Variants in SLC35F4 observed in about 807,000 individuals in gnomAD.
SLC35F4 encodes chromosome 14 open reading frame 36.
Under a neutral mutation model 44.2 loss-of-function variants are expected in SLC35F4, and 24 were observed. The observed-to-expected ratio is 0.54, with a 90% CI of 0.39 to 0.76. SLC35F4 has a LOEUF of 0.76. Ranked by LOEUF, SLC35F4 falls within the 30% of genes least tolerant of loss-of-function variation. SLC35F4 has a pLI of 0.00. For synonymous variants in SLC35F4, 238 were observed against 223.6 expected, an observed-to-expected ratio of 1.06 and a Z score of -0.57; for missense variants, 562 against 586.1, an observed-to-expected ratio of 0.96 and a Z score of 0.42.
chr14:57,833,456 G>T (rs1478887536), intron 1 of SLC35F4, among the ~76,000 whole-genome samples: 1 of 152,190 alleles, frequency 6.6e-6, no homozygotes, highest in African/African-American at 2.4e-5. Context: ...AGGTGATTCT[G>T]ATGAATCAAA....
At chr14:57,753,342 G>A (rs2076928669) in intron 1 of SLC35F4, among the ~76,000 whole-genome samples, 1 of 152,108 alleles carries the variant, frequency 6.6e-6, no homozygotes, top group African/African-American at 2.4e-5. Flanking sequence ...CCCAATACTT[G>A]GCCCAGTAAG....
At chr14:57,861,034 C>A (rs781303281) in intron 1 of SLC35F4, among the ~76,000 whole-genome samples, 1 of 152,202 alleles carries the variant, frequency 6.6e-6, no homozygotes, top group Non-Finnish European at 1.5e-5. Context: ...ATGAGCCAAC[C>A]TACTGGCTGG....
chr14:57,688,609 T>A (rs1422363264), intron 1 of SLC35F4, among the ~76,000 whole-genome samples: 2 of 152,156 alleles, frequency 1.3e-5, no homozygotes, highest in Admixed American at 1.3e-4. Context: ...CTCCACGGTA[T>A]GTTTTCTTTA....
intron 4 of SLC35F4, among the ~76,000 whole-genome samples, chr14:57,577,547 T>C (rs1167749992): frequency 1.3e-5 from 2 of 151,924 alleles, no homozygotes; most frequent in Admixed American, 6.6e-5. Flanking sequence ...AGGGACAAAA[T>C]CTGAAAGAAA....
intron 1 of SLC35F4, among the ~76,000 whole-genome samples, chr14:57,979,314 T>C (rs148246727): frequency 6.6e-6 from 1 of 152,164 alleles, no homozygotes; most frequent in Non-Finnish European, 1.5e-5. Flanking sequence ...TACTCTATGA[T>C]AGATTGGACT....
chr14:57,699,309 C>CA (rs1470472588), intron 1 of SLC35F4, among the ~76,000 whole-genome samples: 3 of 151,966 alleles, frequency 2.0e-5, no homozygotes, highest in Non-Finnish European at 4.4e-5. Context: ...TCTTTAATGC[C>CA]AATGTTTAGG....
At chr14:57,733,316 A>AT (rs1286009408) in intron 1 of SLC35F4, among the ~76,000 whole-genome samples, 1 of 150,276 alleles carries the variant, frequency 6.7e-6, no homozygotes, top group Admixed American at 6.7e-5. Context: ...CTAAGAATGG[A>AT]TTTTTAAAGA....
At chr14:57,666,314 C>A (rs1406716868) in intron 1 of SLC35F4, among the ~76,000 whole-genome samples, 1 of 152,132 alleles carries the variant, frequency 6.6e-6, no homozygotes, top group African/African-American at 2.4e-5. Context: ...TTATTTTCCT[C>A]ATTGAGCACA....
intron 1 of SLC35F4, among the ~76,000 whole-genome samples, chr14:57,676,361 A>T (rs1028632645): frequency 1.3e-5 from 2 of 152,120 alleles, no homozygotes; most frequent in African/African-American, 4.8e-5. Flanking sequence ...GTTCTCACTT[A>T]TAAATGGGAG....
At chr14:57,735,235 C>A (rs1169980343) in intron 1 of SLC35F4, among the ~76,000 whole-genome samples, 1 of 152,124 alleles carries the variant, frequency 6.6e-6, no homozygotes, top group African/African-American at 2.4e-5. Context: ...CCTACAGCAC[C>A]AAAGTAAAGC....
At chr14:57,859,202 C>CTTTT (rs1887458358) in intron 1 of SLC35F4, among the ~76,000 whole-genome samples, 1 of 152,028 alleles carries the variant, frequency 6.6e-6, no homozygotes, top group Non-Finnish European at 1.5e-5. Context: ...AATTCAACAA[C>CTTTT]TAGTGATTGG....
At chr14:57,717,402 C>T (rs867735839) in intron 1 of SLC35F4, among the ~76,000 whole-genome samples, 2 of 152,116 alleles carry the variant, frequency 1.3e-5, no homozygotes, top group African/African-American at 4.8e-5. Flanking sequence ...TTTGGGAGGC[C>T]GAGACAGGCG....
intron 1 of SLC35F4, among the ~76,000 whole-genome samples, chr14:57,937,583 AAAG>A (rs1889824776): frequency 8.6e-6 from 1 of 116,786 alleles, no homozygotes; most frequent in South Asian, 2.7e-4. Context: ...AGAGAAAAGA[AAAG>A]AAAGAAAAGA....
chr14:57,616,862 T>A (rs1392709340), intron 1 of SLC35F4, among the ~76,000 whole-genome samples: 1 of 152,104 alleles, frequency 6.6e-6, no homozygotes, highest in East Asian at 1.9e-4. Flanking sequence ...CCTCCTCCAC[T>A]CTTCTCCTGG....
Position 57,961,181 on chromosome 14 carries a change from G to T in SLC35F4, n.282+20732C>A, listed in dbSNP as rs1432918283. Among the ~76,000 whole-genome samples the T allele has an allele frequency of 3.3e-5, 5 of 152,152 alleles. No homozygotes were observed. In the East Asian group the frequency reaches 9.6e-4, roughly 29 times the overall value. On this transcript the variant is annotated intron_variant and non_coding_transcript_variant, in intron 1 of 1. Transcript: ENST00000556568. ...CAAGGACTCATGGTTACTCAGCCGT[G>T]CGCACCCGTCTGGCTTCCTCGTACC... is the stretch of plus-strand genomic sequence containing the variant.
chr14:57,692,202 C>T (rs1349927738), intron 1 of SLC35F4, among the ~76,000 whole-genome samples: 4 of 152,084 alleles, frequency 2.6e-5, no homozygotes, highest in African/African-American at 7.2e-5. Flanking sequence ...GCTCCTAGTA[C>T]GACGAAGTTC....
chr14:57,748,832 C>T (rs73289945), intron 1 of SLC35F4, among the ~76,000 whole-genome samples: 2,751 of 152,208 alleles, frequency 0.018, 58 homozygotes, highest in African/African-American at 0.063. Context: ...TGTATAGCTG[C>T]ATATAGAGTC....
In SLC35F4 at chr14:57,693,784, G is replaced by C. The variant is rs541938263; in HGVS notation, c.104-99660C>G. Among the ~76,000 whole-genome samples, 4 of 152,208 alleles carry C rather than the reference G, an allele frequency of 2.6e-5. No homozygotes were observed. The East Asian group carries it at 7.7e-4, about 29-fold the overall frequency. On this transcript the variant is annotated intron_variant, in intron 1 of 7. Coordinates refer to ENST00000556826, the MANE Select transcript of SLC35F4 (RefSeq NM_001306087.2). ...GAGTTAGGGTCTCCCCGACTGAGCTGGTCTCGGCAATTTGTCCCCTAACTT... is the reference window on the plus strand; with the variant it reads ...GAGTTAGGGTCTCCCCGACTGAGCTCGTCTCGGCAATTTGTCCCCTAACTT...
intron 1 of SLC35F4, among the ~76,000 whole-genome samples, chr14:57,862,381 T>G (rs1471108239): frequency 6.6e-6 from 1 of 152,226 alleles, no homozygotes; most frequent in Non-Finnish European, 1.5e-5. Flanking sequence ...AGACTGATCT[T>G]TGTGTAAGAT....
Sources: gnomAD v4.1 joint callset for allele counts (sites outside exome capture counted in the v4.1 genomes callset) on GRCh38, gnomAD v4.1.1 for gene constraint, MANE v1.5 for transcripts, NCBI Gene and HGNC (gene_info 2026-07-23, HGNC 2026-07-21) for gene names.